FNDC1: variants seen among roughly 807,000 people sequenced by gnomAD.
FNDC1 encodes fibronectin type III domain-containing protein 1.
A neutral mutation model predicts 168.0 loss-of-function variants in FNDC1; 96 were observed. That is an observed-to-expected ratio of 0.57 (90% confidence interval 0.48 to 0.68). FNDC1 has a LOEUF of 0.68. FNDC1 is among the 30% of genes least tolerant of loss of function. FNDC1 has a pLI of 0.00. For synonymous variants in FNDC1, 1,099 were observed against 1,025.9 expected (o/e 1.07, Z -1.36); for missense variants, 2,587 against 2,482.1 (o/e 1.04, Z -0.90).
chr6:159,177,418 T>G (rs1327553238), intron 1 of FNDC1, among the ~76,000 whole-genome samples: 4 of 152,078 alleles, frequency 2.6e-5, no homozygotes, highest in Non-Finnish European at 5.9e-5. Flanking sequence ...GGAGATGAAG[T>G]CTCATCCACA....
Position 159,231,909 on chromosome 6 carries a change from C to G in FNDC1, c.1397C>G (p.Thr466Arg), listed in dbSNP as rs201468245. The G allele has an allele frequency of 1.2e-6, 2 of 1,610,684 alleles. No individual in the cohort carries two copies. The highest frequency in any genetic ancestry group is 2.2e-5 in the South Asian group (2 of 90,336). The change falls in exon 11 of 23, where the codon ACG becomes AGG. Residue 466 changes from threonine to arginine, a missense_variant. Transcript: ENST00000297267. ...AGTAAGGCGGATGTTGAGCAGAACA[C>G]GGAGGACAATGGGAAACCCGAAAAA... The part of the protein sequence containing the change: ...TTSKADVEQN[T>R]EDNGKPEKPE...
chr6:159,231,750 AG>A (rs1170946536), intron 10 of FNDC1, 131 bp from the exon 11 acceptor site: 1 of 683,278 alleles, frequency 1.5e-6, no homozygotes, highest in African/African-American at 1.8e-5. Context: ...CAGTGTTCTA[AG>A]GAATTAGAAG....
At position 159,233,309 on chromosome 6, in the gene FNDC1, G is replaced by A. The variant is rs778824237; in HGVS notation, c.2797G>A (p.Gly933Arg). 3 of 1,613,920 alleles carry A rather than the reference G, an allele frequency of 1.9e-6. No homozygotes were observed. Among genetic ancestry groups the A allele is most frequent in the Non-Finnish European group, 2.5e-6 (3 of 1,179,866 alleles). The change falls in exon 11 of 23, where the codon GGG (glycine) becomes AGG (arginine). Residue 933 changes from glycine (G) to arginine (R), a missense_variant. Gly to Arg is a moderately radical substitution (Grantham distance 125, BLOSUM62 -2). Transcript: ENST00000297267. The surrounding 1 kb of genome is among the most constrained non-coding windows in gnomAD (Gnocchi z 4.6). ...CATCCCAGAGAACCCCAAATCCACA[G>A]GGGCAGATACACATCCTCAGGGCAA... ...EPIPENPKST[G>R]ADTHPQGKYS...
chr6:159,207,944 GT>G (rs942129058), intron 4 of FNDC1, among the ~76,000 whole-genome samples: 1 of 152,202 alleles, frequency 6.6e-6, no homozygotes, highest in Non-Finnish European at 1.5e-5. Flanking sequence ...GGCCATCTCT[GT>G]GTTATACTGT....
intron 5 of FNDC1, 78 bp from the exon 6 acceptor site, chr6:159,221,519 AC>A: frequency 8.9e-7 from 1 of 1,124,278 alleles, no homozygotes; most frequent in Non-Finnish European, 1.3e-6. Flanking sequence ...GGAATGCAGA[AC>A]CCCCGCTCCA....
intron 6 of FNDC1, among the ~76,000 whole-genome samples, chr6:159,222,011 A>G (rs1056384919): frequency 2.0e-5 from 3 of 152,230 alleles, no homozygotes; most frequent in Admixed American, 1.3e-4. Flanking sequence ...GCCCTGGGTG[A>G]TGCACTGAAC....
rs761377720 is a variant in FNDC1 at position 159,232,749 on chromosome 6, A to C, written c.2237A>C (p.Asp746Ala). The C allele has an allele frequency of 6.2e-7, 1 of 1,613,806 alleles. No homozygotes were observed. The highest frequency in any genetic ancestry group is 8.5e-7 in the Non-Finnish European group (1 of 1,179,856). ...TCTCCACTTTCCAAGGGCGGGAAGG[A>C]TGGTGAGGACGCCCCAGCCACCAAC... is the stretch of plus-strand genomic sequence containing the variant. ...LSSPLSKGGK[D>A]GEDAPATNSN... The change falls in exon 11 of 23, where the codon GAT (aspartate) becomes GCT (alanine). Residue 746 changes from aspartate (D) to alanine (A), a missense_variant. Coordinates refer to ENST00000297267, the MANE Select transcript of FNDC1 (RefSeq NM_032532.3). The surrounding 1 kb of genome is among the most constrained non-coding windows in gnomAD (Gnocchi z 4.9).
At chr6:159,181,661 T>A (rs539879169) in intron 1 of FNDC1, among the ~76,000 whole-genome samples, 17 of 152,244 alleles carry the variant, frequency 1.1e-4, no homozygotes, top group Non-Finnish European at 2.4e-4. Context: ...AACCACCAAC[T>A]ATGTCTGAGG....
intron 14 of FNDC1, among the ~76,000 whole-genome samples, chr6:159,244,521 C>T (rs1468679368): frequency 6.6e-6 from 1 of 152,184 alleles, no homozygotes; most frequent in East Asian, 1.9e-4. Flanking sequence ...TCGAGGTTGC[C>T]ATTGCCCTTT....
At position 159,232,916 on chromosome 6, in the gene FNDC1, G is replaced by A. The variant is rs1783131362; in HGVS notation, c.2404G>A (p.Glu802Lys). Residue 802 changes from glutamate to lysine, a missense_variant, in exon 11 of 23, where the codon GAG becomes AAG. By Grantham distance (56) the Glu-to-Lys change is moderately conservative. Coordinates refer to ENST00000297267, the MANE Select transcript of FNDC1 (RefSeq NM_032532.3). This position sits in a 1 kb window ranked among gnomAD's most constrained non-coding sequence, Gnocchi z 4.9. ...GDREDGGRQAEATAQTLRARP... is the reference protein window; with the variant it reads ...GDREDGGRQAKATAQTLRARP... Reference sequence around the variant, plus strand: ...TAGGGAAGACGGCGGAAGGCAGGCGGAGGCCACGGCCCAGACGCTGCGGGC... The same window carrying A: ...TAGGGAAGACGGCGGAAGGCAGGCGAAGGCCACGGCCCAGACGCTGCGGGC... 6.2e-7 allele frequency: 1 copy of A among 1,611,926 alleles called. No individual in the cohort carries two copies. The highest frequency in any genetic ancestry group is 8.5e-7 in the Non-Finnish European group (1 of 1,179,726).
At chr6:159,243,278 T>C (rs1416139073) in intron 14 of FNDC1, 1 of 152,198 alleles carries the variant, frequency 6.6e-6, no homozygotes, top group Non-Finnish European at 1.5e-5. Context: ...CATGACCTTG[T>C]TAAAAGTTGC....
chr6:159,213,412 T>G (rs1234713177), intron 4 of FNDC1, among the ~76,000 whole-genome samples: 1 of 152,194 alleles, frequency 6.6e-6, no homozygotes, highest in Non-Finnish European at 1.5e-5. Context: ...AAAAAATTTT[T>G]ATTGCAGCTT....
At chr6:159,170,622 T>G (rs1461208689) in intron 1 of FNDC1, among the ~76,000 whole-genome samples, 1 of 152,230 alleles carries the variant, frequency 6.6e-6, no homozygotes, top group Non-Finnish European at 1.5e-5. Context: ...CAGATACTAT[T>G]CCAACGAGGG....
chr6:159,263,254 C>T (rs1194515178), intron 19 of FNDC1, among the ~76,000 whole-genome samples: 7 of 152,044 alleles, frequency 4.6e-5, no homozygotes, highest in Admixed American at 3.3e-4. Flanking sequence ...TAGCAGAGGA[C>T]ATCAGAACAA....
intron 1 of FNDC1, among the ~76,000 whole-genome samples, chr6:159,196,690 T>C (rs934080333): frequency 2.6e-5 from 4 of 152,256 alleles, no homozygotes; most frequent in African/African-American, 9.6e-5. Context: ...TTATATTATG[T>C]TGCATTACAA....
At chr6:159,251,088 G>A (rs1777247678) in intron 16 of FNDC1, among the ~76,000 whole-genome samples, 1 of 152,140 alleles carries the variant, frequency 6.6e-6, no homozygotes. Flanking sequence ...GGGGCAATAG[G>A]ATCTTTTGGA....
At position 159,215,003 on chromosome 6, in the gene FNDC1, G is replaced by T; in HGVS notation, c.519G>T (p.Leu173=). ...RVRVRSSDDR[L]SVAWKAPRLS... is the part of the protein sequence containing the mutation. ...GTGTCCGGTCCTCAGATGACAGGCT[G>T]TCCGTTGCGTGGAAGGCACCACGCC... Residue 173 remains leucine, a synonymous_variant, in exon 5 of 23, where the codon CTG becomes CTT. Coordinates refer to ENST00000297267, the MANE Select transcript of FNDC1 (RefSeq NM_032532.3). 1 of 1,614,054 alleles carries T rather than the reference G, an allele frequency of 6.2e-7. No individual in the cohort carries two copies. The highest frequency in any genetic ancestry group is 8.5e-7 in the Non-Finnish European group (1 of 1,179,906).
At chr6:159,182,096 T>C (rs1781892432) in intron 1 of FNDC1, among the ~76,000 whole-genome samples, 1 of 152,122 alleles carries the variant, frequency 6.6e-6, no homozygotes, top group African/African-American at 2.4e-5. Context: ...ACCCAAAGGA[T>C]GTGAGGCCTT....
intron 11 of FNDC1, among the ~76,000 whole-genome samples, chr6:159,235,545 G>A (rs1026560662): frequency 3.9e-5 from 6 of 152,138 alleles, no homozygotes; most frequent in Non-Finnish European, 8.8e-5. Flanking sequence ...TCTGACCTGC[G>A]AGTAGCGGTC....
Sources: allele counts gnomAD v4.1 joint callset (sites outside exome capture counted in the v4.1 genomes callset), GRCh38; gene constraint gnomAD v4.1.1; non-coding constraint Gnocchi (gnomAD v3.1); transcripts MANE v1.5; gene names NCBI Gene and HGNC (gene_info 2026-07-23, HGNC 2026-07-21).